The following PRKN variants were observed in gnomAD, a reference collection of about 807,000 sequenced individuals.
The protein encoded by PRKN is E3 ubiquitin-protein ligase parkin.
Under a neutral mutation model 59.5 loss-of-function variants are expected in PRKN, and 56 were observed. The observed-to-expected ratio is 0.94, with a 90% confidence interval of 0.76 to 1.18. The LOEUF is 1.18. Ranked by LOEUF, PRKN falls within the 50% of genes most tolerant of loss-of-function variation. The pLI is 0.00. For missense variants in PRKN, 657 were observed against 596.4 expected (o/e 1.10, Z -1.06); for synonymous variants, 250 against 222.1 (o/e 1.13, Z -1.12).
intron 1 of PRKN, among the ~76,000 whole-genome samples, chr6:162,494,837 C>A (rs904609901): frequency 4.6e-5 from 7 of 152,136 alleles, no homozygotes. Context: ...TATGTCGTAC[C>A]AGGGACTAAG....
intron 6 of PRKN, among the ~76,000 whole-genome samples, chr6:161,936,870 C>T (rs371316148): frequency 1.3e-5 from 2 of 151,840 alleles, no homozygotes; most frequent in Non-Finnish European, 1.5e-5. Context: ...ACTGAAACCT[C>T]CACCTCCCGG....
At chr6:162,713,033 G>C (rs773900409) in intron 1 of PRKN, among the ~76,000 whole-genome samples, 2 of 152,170 alleles carry the variant, frequency 1.3e-5, no homozygotes, top group Non-Finnish European at 2.9e-5. Flanking sequence ...ATTATAGTTT[G>C]AACGGAAGGG....
intron 4 of PRKN, among the ~76,000 whole-genome samples, chr6:162,100,441 T>C (rs1779919470): frequency 6.7e-6 from 1 of 150,058 alleles, no homozygotes; most frequent in Non-Finnish European, 1.5e-5. Flanking sequence ...TTATTATCTC[T>C]TGTCTTTCTT....
At chr6:161,634,206 C>A (rs763818037) in intron 7 of PRKN, among the ~76,000 whole-genome samples, 3 of 152,116 alleles carry the variant, frequency 2.0e-5, no homozygotes, top group Non-Finnish European at 4.4e-5. Flanking sequence ...CCCTTGTCGG[C>A]CTGTAACCAC....
At chr6:162,375,766 A>C (rs867057275) in intron 2 of PRKN, among the ~76,000 whole-genome samples, 179 of 100,760 alleles carry the variant, frequency 1.8e-3, no homozygotes, top group East Asian at 0.013. Context: ...CACACACACA[A>C]ACACACACCC....
At chr6:162,665,154 T>C (rs1779049558) in intron 1 of PRKN, among the ~76,000 whole-genome samples, 1 of 152,062 alleles carries the variant, frequency 6.6e-6, no homozygotes, top group African/African-American at 2.4e-5. Flanking sequence ...ACCACTCCTA[T>C]TCAACATAGT....
rs60024002 is a variant in PRKN, at chr6:162,498,393, CTTTTTTTT to C, written c.8-54928_8-54921del. 5.1e-4 allele frequency among the ~76,000 whole-genome samples: 11 copies of C among 21,564 alleles called. 1 individual carries two copies. The East Asian group carries it at 0.018, about 36-fold the overall frequency. 14.1% of individuals were successfully genotyped at this position (21,564 alleles called of 152,430 possible). A position where few individuals can be genotyped will look rare whatever the true frequency, so the allele number is the denominator to read the frequency against. On this transcript the variant is annotated intron_variant, in intron 1 of 11. Transcript: ENST00000366898. ...CAGAATCATTTTTTTTCTTTCTTTC[CTTTTTTTT>C]TTTTTTTTTTTTTTGAGATGGAGTT...
chr6:162,363,747 C>T (rs1371169054), intron 2 of PRKN, among the ~76,000 whole-genome samples: 1 of 152,186 alleles, frequency 6.6e-6, no homozygotes, highest in Admixed American at 6.5e-5. Context: ...TTACAACTCA[C>T]TGGGAGATAC....
chr6:162,021,463 T>TATATATATA (rs1562466053), intron 5 of PRKN, among the ~76,000 whole-genome samples: 6 of 26,984 alleles, frequency 2.2e-4, no homozygotes, highest in African/African-American at 7.5e-4. Flanking sequence ...ATATATATAT[T>TATATATATA]TTTTTTTTTT....
chr6:161,890,448 C>T (rs9355952), intron 6 of PRKN, among the ~76,000 whole-genome samples: 44,986 of 152,006 alleles, frequency 0.3, 6,858 homozygotes, highest in East Asian at 0.42. Flanking sequence ...ACAACGGAGA[C>T]GAGAGCAAAA....
At position 162,074,620 on chromosome 6, in the gene PRKN, A is replaced by C. The variant is rs561667285; in HGVS notation, c.535-20446T>G. 1.5e-3 allele frequency among the ~76,000 whole-genome samples: 70 copies of C among 47,240 alleles called. 2 individuals carry two copies. In the South Asian group the frequency reaches 0.037, roughly 25 times the overall value. The allele number at this position is 47,240 out of a possible 152,430, so 31.0% of individuals were successfully genotyped here. On this transcript the variant is annotated intron_variant, in intron 4 of 11. Transcript: ENST00000366898. ...AATGTGCACATGTACCCTAAAACTT[A>C]AAGTATATATATAAAAAAAAGTCAC...
At chr6:161,531,926 A>T (rs1779227590) in intron 9 of PRKN, among the ~76,000 whole-genome samples, 1 of 152,212 alleles carries the variant, frequency 6.6e-6, no homozygotes, top group African/African-American at 2.4e-5. Flanking sequence ...AGGGATACAT[A>T]GAAAAAGTCT....
intron 4 of PRKN, among the ~76,000 whole-genome samples, chr6:162,062,239 T>G (rs1453636652): frequency 4.6e-5 from 7 of 152,196 alleles, no homozygotes; most frequent in Admixed American, 2.6e-4. Flanking sequence ...CACTCAAGAA[T>G]AAGCAGTGTC....
intron 1 of PRKN, among the ~76,000 whole-genome samples, chr6:162,562,128 A>G (rs760572533): frequency 2.0e-5 from 3 of 152,128 alleles, no homozygotes; most frequent in African/African-American, 7.2e-5. Context: ...AAAGGGCAAC[A>G]GACTGAATTG....
chr6:161,556,240 T>G (rs1780233830), intron 8 of PRKN, among the ~76,000 whole-genome samples: 1 of 152,198 alleles, frequency 6.6e-6, no homozygotes, highest in South Asian at 2.1e-4. Context: ...GAGCATACAA[T>G]TCCTTTTTCA....
At chr6:162,595,466 A>G (rs1455265664) in intron 1 of PRKN, among the ~76,000 whole-genome samples, 1 of 151,818 alleles carries the variant, frequency 6.6e-6, no homozygotes, top group Non-Finnish European at 1.5e-5. Flanking sequence ...ATGTTGGCCA[A>G]GCTGGTCTTG....
intron 7 of PRKN, among the ~76,000 whole-genome samples, chr6:161,712,149 G>A (rs1292247193): frequency 6.6e-6 from 1 of 152,142 alleles, no homozygotes; most frequent in Non-Finnish European, 1.5e-5. Context: ...TAGCATTATG[G>A]TAACAGAGAC....
intron 8 of PRKN, among the ~76,000 whole-genome samples, chr6:161,563,738 T>C (rs1033059677): frequency 6.6e-6 from 1 of 152,174 alleles, no homozygotes; most frequent in African/African-American, 2.4e-5. Context: ...AGGAACCACA[T>C]ACAAAGAAAT....
intron 3 of PRKN, among the ~76,000 whole-genome samples, chr6:162,214,490 T>C (rs926458529): frequency 3.3e-5 from 5 of 152,174 alleles, no homozygotes; most frequent in African/African-American, 4.8e-5. Flanking sequence ...TTAAATCTTA[T>C]TTACATTTGT....
Sources: allele counts gnomAD v4.1 joint callset (sites outside exome capture counted in the v4.1 genomes callset), GRCh38; gene constraint gnomAD v4.1.1; transcripts MANE v1.5; gene names NCBI Gene and HGNC (gene_info 2026-07-23, HGNC 2026-07-21).